TBC1D5: variants seen among roughly 807,000 people sequenced by gnomAD.
The protein encoded by TBC1D5 is TBC1 domain family member 5.
A neutral mutation model predicts 100.3 loss-of-function variants in TBC1D5; 75 were observed. The ratio of observed to expected loss-of-function variants is 0.75; its 90% CI spans 0.62 to 0.91. The LOEUF (loss-of-function observed/expected upper bound fraction) is 0.91, where lower values mean the gene tolerates loss of function less well. Among genes scored for constraint, TBC1D5 ranks in the 40% least tolerant of loss-of-function variants. The probability of loss-of-function intolerance (pLI) is 0.00; values close to 1 mark genes in which losing one functional copy is unlikely to be tolerated. For missense variants in TBC1D5, 910 were observed against 942.4 expected (o/e 0.97, Z 0.45); for synonymous variants, 323 against 325.6 (o/e 0.99, Z 0.09).
intron 3 of TBC1D5, among the ~76,000 whole-genome samples, chr3:17,460,090 T>C (rs1228526708): frequency 6.6e-6 from 1 of 152,176 alleles, no homozygotes; most frequent in African/African-American, 2.4e-5. Context: ...TTCACTGGAG[T>C]CAGGTACTTC....
intron 2 of TBC1D5, 48 bp from the exon 3 acceptor site, chr3:17,508,653 T>A: frequency 1.1e-6 from 1 of 931,326 alleles, no homozygotes; most frequent in Non-Finnish European, 1.7e-6. Context: ...CTTTTTCTGC[T>A]ATGACTGGGA....
chr3:17,361,499 C>T (rs1575523200), intron 13 of TBC1D5, among the ~76,000 whole-genome samples: 1 of 151,928 alleles, frequency 6.6e-6, no homozygotes, highest in East Asian at 1.9e-4. Context: ...GAAATATTCA[C>T]CAAGCTCTAC....
In TBC1D5 at chr3:17,423,584, T is replaced by C. The variant is rs971675850; in HGVS notation, c.167+4866A>G. On this transcript the variant is annotated intron_variant, in intron 4 of 21. Coordinates refer to ENST00000253692, the Ensembl canonical transcript of TBC1D5. ...TGAACTGTGTCTCTGGAAGTCAGCATTGCATTTACAAATGATTATTTTTAA... is the reference window on the plus strand; with the variant it reads ...TGAACTGTGTCTCTGGAAGTCAGCACTGCATTTACAAATGATTATTTTTAA... 2.6e-5 allele frequency among the ~76,000 whole-genome samples: 4 copies of C among 152,144 alleles called. No individual in the cohort carries two copies. The East Asian group carries it at 5.8e-4, about 22-fold the overall frequency.
chr3:17,600,515 A>G (rs2060862034), intron 2 of TBC1D5, among the ~76,000 whole-genome samples: 1 of 152,192 alleles, frequency 6.6e-6, no homozygotes, highest in African/African-American at 2.4e-5. Flanking sequence ...ATGCAAGATT[A>G]TTACTATGGT....
intron 18 of TBC1D5, among the ~76,000 whole-genome samples, chr3:17,185,717 A>C (rs1376891566): frequency 1.3e-5 from 2 of 152,046 alleles, no homozygotes; most frequent in East Asian, 1.9e-4. Flanking sequence ...AAAAAATAAA[A>C]AAAAAGACAT....
intron 1 of TBC1D5, among the ~76,000 whole-genome samples, chr3:17,647,495 TAAGAA>T (rs55882421): frequency 0.51 from 77,688 of 151,212 alleles, 21,682 homozygotes; most frequent in East Asian, 0.97. Flanking sequence ...AGGTGACACT[TAAGAA>T]AAGACTTAAA....
chr3:17,308,054 C>T (rs368463026), exon 14 of TBC1D5: 18 of 1,610,342 alleles, frequency 1.1e-5, no homozygotes, highest in Middle Eastern at 3.3e-4. Context: ...CAGGCTGAGG[C>T]CGTCTGCAAA....
intron 16 of TBC1D5, among the ~76,000 whole-genome samples, chr3:17,242,999 A>T (rs983603949): frequency 7.2e-5 from 11 of 152,124 alleles, no homozygotes; most frequent in African/African-American, 2.7e-4. Context: ...ATAATAATGG[A>T]AATAATGCGT....
chr3:17,477,482 T>C (rs1221955651), intron 3 of TBC1D5, among the ~76,000 whole-genome samples: 1 of 152,014 alleles, frequency 6.6e-6, no homozygotes, highest in African/African-American at 2.4e-5. Flanking sequence ...TTGGGATTGG[T>C]GTTTTCTGTC....
chr3:17,382,959 A>G (rs1034768795), intron 9 of TBC1D5, among the ~76,000 whole-genome samples: 3 of 151,408 alleles, frequency 2.0e-5, no homozygotes, highest in African/African-American at 7.3e-5. Flanking sequence ...TATATTTTTC[A>G]TTTCCAATTC....
chr3:17,426,692 A>C (rs1050580977), intron 4 of TBC1D5, among the ~76,000 whole-genome samples: 1 of 152,036 alleles, frequency 6.6e-6, no homozygotes, highest in South Asian at 2.1e-4. Flanking sequence ...TTATCATTTA[A>C]TACTAAGATA....
chr3:17,703,635 A>C (rs1364994227), intron 1 of TBC1D5, among the ~76,000 whole-genome samples: 1 of 152,166 alleles, frequency 6.6e-6, no homozygotes, highest in Non-Finnish European at 1.5e-5. Context: ...GGAAGATTCT[A>C]ATAACTGAAA....
intron 2 of TBC1D5, among the ~76,000 whole-genome samples, chr3:17,610,815 G>C (rs571119626): frequency 2.0e-5 from 3 of 152,100 alleles, no homozygotes; most frequent in Admixed American, 6.6e-5. Context: ...TTAGAAGTTC[G>C]AGACCAGCCT....
intron 2 of TBC1D5, chr3:17,586,354 T>C (rs1018271635): frequency 7.2e-5 from 11 of 152,288 alleles, no homozygotes; most frequent in African/African-American, 2.6e-4. Flanking sequence ...TATGCTTACC[T>C]TGTGGGAGAA....
intron 2 of TBC1D5, among the ~76,000 whole-genome samples, chr3:17,525,644 C>T (rs1194094930): frequency 6.6e-6 from 1 of 152,042 alleles, no homozygotes; most frequent in Non-Finnish European, 1.5e-5. Context: ...TTCCATAATA[C>T]TTACTGAAGC....
chr3:17,191,971 T>C (rs531722778), intron 18 of TBC1D5, among the ~76,000 whole-genome samples: 18 of 152,188 alleles, frequency 1.2e-4, no homozygotes, highest in African/African-American at 4.3e-4. Flanking sequence ...AAGAACGACA[T>C]ATCACATACT....
intron 13 of TBC1D5, chr3:17,338,456 G>A (rs2088296032): frequency 6.6e-6 from 1 of 152,116 alleles, no homozygotes; most frequent in South Asian, 2.1e-4. Flanking sequence ...TACCTCCAAG[G>A]TGCTGGCTAT....
chr3:17,194,997 T>A (rs2070460058), intron 18 of TBC1D5, among the ~76,000 whole-genome samples: 2 of 152,232 alleles, frequency 1.3e-5, no homozygotes. Flanking sequence ...TTCACATAGG[T>A]GTAACCAGAG....
intron 8 of TBC1D5, among the ~76,000 whole-genome samples, chr3:17,393,053 C>G (rs1223748538): frequency 6.6e-6 from 1 of 151,992 alleles, no homozygotes; most frequent in Non-Finnish European, 1.5e-5. Context: ...ACCATTCTAA[C>G]TGGTGTGTGA....
Sources: gnomAD v4.1 joint callset for allele counts (sites outside exome capture counted in the v4.1 genomes callset) on GRCh38, gnomAD v4.1.1 for gene constraint, MANE v1.5 for transcripts, NCBI Gene and HGNC (gene_info 2026-07-23, HGNC 2026-07-21) for gene names.